CGGBP1: variants seen among roughly 807,000 people sequenced by gnomAD.
CGGBP1 encodes CGG triplet repeat-binding protein 1.
CGGBP1 carries 4 observed loss-of-function variants against 11.4 expected under a neutral mutation model. The observed-to-expected ratio is 0.35, with a 90% CI of 0.17 to 0.80. The LOEUF is 0.80. CGGBP1 is among the 30% of genes least tolerant of loss of function. CGGBP1 has a pLI of 0.52. For missense variants in CGGBP1, 135 were observed against 202.1 expected, an observed-to-expected ratio of 0.67 and a Z score of 2.01; for synonymous variants, 76 against 74.1, an observed-to-expected ratio of 1.03 and a Z score of -0.13.
At chr3:88,129,068 A>C in intron 2 of CGGBP1, 88 of 574,402 alleles carry the variant, frequency 1.5e-4, no homozygotes, top group South Asian at 5.5e-4. Context: ...AAAAAAAACC[A>C]AAAAAAAAAA....
intron 2 of CGGBP1, among the ~76,000 whole-genome samples, chr3:88,106,306 C>T (rs887190691): frequency 1.2e-4 from 19 of 152,020 alleles, no homozygotes; most frequent in African/African-American, 4.6e-4. Context: ...CCTTCCTGTG[C>T]TGTAAGTTGA....
intron 2 of CGGBP1, among the ~76,000 whole-genome samples, chr3:88,084,965 T>C (rs1038009262): frequency 6.6e-6 from 1 of 152,208 alleles, no homozygotes; most frequent in Admixed American, 6.5e-5. Flanking sequence ...GGAGAAAATA[T>C]CTTCATTATA....
At chr3:88,113,231 CACTTAAA>C (rs1576304929) in intron 2 of CGGBP1, 1 of 1,343,716 alleles carries the variant, frequency 7.4e-7, no homozygotes, top group Non-Finnish European at 1.0e-6. Flanking sequence ...ACTTTGTCTA[CACTTAAA>C]ATAGACCATT....
At chr3:88,058,515 G>A (rs1706636806) in intron 1 of CGGBP1, among the ~76,000 whole-genome samples, 2 of 152,144 alleles carry the variant, frequency 1.3e-5, no homozygotes, top group Admixed American at 6.5e-5. Context: ...CTCCTCCGGC[G>A]CCAAGCCCAG....
intron 2 of CGGBP1, among the ~76,000 whole-genome samples, chr3:88,074,434 T>C (rs180786151): frequency 6.6e-6 from 1 of 151,094 alleles, no homozygotes; most frequent in Non-Finnish European, 1.5e-5. Context: ...CTCTGCCTCC[T>C]GGGTTGAAGC....
At chr3:88,111,821 C>T (rs1322902771) in intron 2 of CGGBP1, among the ~76,000 whole-genome samples, 1 of 151,870 alleles carries the variant, frequency 6.6e-6, no homozygotes, top group Non-Finnish European at 1.5e-5. Flanking sequence ...ACACCAAAGC[C>T]ATCATAGAAT....
chr3:88,095,969 C>T (rs529623615), intron 2 of CGGBP1: 2 of 308,104 alleles, frequency 6.5e-6, no homozygotes, highest in Non-Finnish European at 6.1e-6. Context: ...TTTTCTTTCC[C>T]GTGTTGCACT....
intron 2 of CGGBP1, among the ~76,000 whole-genome samples, chr3:88,110,703 G>A (rs780765231): frequency 1.6e-4 from 25 of 152,044 alleles, no homozygotes; most frequent in Non-Finnish European, 3.2e-4. Flanking sequence ...AGCTATACAA[G>A]TTGATCTGTA....
At chr3:88,140,050 G>A in intron 2 of CGGBP1, 1 of 1,613,692 alleles carries the variant, frequency 6.2e-7, no homozygotes, top group Non-Finnish European at 8.5e-7. Context: ...TTTTGTCAAA[G>A]GCAATTTGAA....
chr3:88,088,752 G>GGA (rs1559701576), intron 2 of CGGBP1, among the ~76,000 whole-genome samples: 1,841 of 127,052 alleles, frequency 0.014, 31 homozygotes, highest in African/African-American at 0.046. Flanking sequence ...ATTTATGTAT[G>GGA]TATGTATGTA....
intron 1 of CGGBP1, chr3:88,143,181 A>C (rs1707209443): frequency 6.6e-6 from 1 of 152,300 alleles, no homozygotes; most frequent in African/African-American, 2.4e-5. Context: ...GGTAGCATCC[A>C]TATTTTATTA....
intron 2 of CGGBP1, among the ~76,000 whole-genome samples, chr3:88,124,055 CAT>C (rs554315281): frequency 2.4e-4 from 37 of 152,260 alleles, no homozygotes; most frequent in African/African-American, 8.7e-4. Flanking sequence ...AACATGGTGA[CAT>C]GTGGAAATGC....
upstream of CGGBP1, among the ~76,000 whole-genome samples, chr3:88,060,071 T>G (rs568836147): frequency 6.6e-6 from 1 of 152,158 alleles, no homozygotes; most frequent in Admixed American, 6.5e-5. Context: ...CCACGGTGAT[T>G]TAGTTACTTT....
intron 2 of CGGBP1, among the ~76,000 whole-genome samples, chr3:88,090,041 G>T (rs932894658): frequency 1.3e-5 from 2 of 152,008 alleles, no homozygotes; most frequent in Admixed American, 6.6e-5. Flanking sequence ...TAAAAGTATA[G>T]CATATAGAAT....
At chr3:88,122,833 A>C (rs1363921924) in intron 2 of CGGBP1, among the ~76,000 whole-genome samples, 2 of 151,918 alleles carry the variant, frequency 1.3e-5, no homozygotes, top group Non-Finnish European at 2.9e-5. Flanking sequence ...AGCATGGTGA[A>C]ACCCTGTCTC....
intron 2 of CGGBP1, among the ~76,000 whole-genome samples, chr3:88,124,239 A>G (rs1196980096): frequency 1.3e-5 from 2 of 152,186 alleles, no homozygotes; most frequent in African/African-American, 2.4e-5. Context: ...CAACAATCCT[A>G]TGAAGTAGGT....
At chr3:88,093,447 C>T (rs531314962) in intron 2 of CGGBP1, among the ~76,000 whole-genome samples, 1 of 152,274 alleles carries the variant, frequency 6.6e-6, no homozygotes, top group East Asian at 1.9e-4. Context: ...ATTTGCCTGA[C>T]GGCCACTAGG....
intron 2 of CGGBP1, among the ~76,000 whole-genome samples, chr3:88,127,119 A>G (rs952377884): frequency 1.4e-4 from 21 of 152,204 alleles, no homozygotes; most frequent in Non-Finnish European, 2.6e-4. Flanking sequence ...AAAACATTTA[A>G]AAGTGTGGAG....
At chr3:88,120,232 C>A (rs1705686298) in intron 2 of CGGBP1, among the ~76,000 whole-genome samples, 1 of 152,088 alleles carries the variant, frequency 6.6e-6, no homozygotes, top group South Asian at 2.1e-4. Flanking sequence ...GAATGAGGGC[C>A]TAAGTCTTAC....
Sources: allele counts gnomAD v4.1 joint callset (sites outside exome capture counted in the v4.1 genomes callset), GRCh38; gene constraint gnomAD v4.1.1; transcripts MANE v1.5; gene names NCBI Gene and HGNC (gene_info 2026-07-23, HGNC 2026-07-21).